CARF: variants seen among roughly 807,000 people sequenced by gnomAD.
CARF encodes the protein calcium-responsive transcription factor.
In CARF, 57 loss-of-function variants were observed where a neutral mutation model predicts 82.0. The ratio of observed to expected loss-of-function variants is 0.70; its 90% CI spans 0.56 to 0.87. CARF has a LOEUF of 0.87. Ranked by LOEUF, CARF falls within the 40% of genes least tolerant of loss-of-function variation. The pLI is 0.00. For missense variants in CARF, 771 were observed against 855.8 expected (o/e 0.90, Z 1.24); for synonymous variants, 268 against 290.1 (o/e 0.92, Z 0.77).
intron 1 of CARF, among the ~76,000 whole-genome samples, chr2:202,914,114 TA>T (rs1292799286): frequency 6.6e-6 from 1 of 152,258 alleles, no homozygotes. Context: ...CTGATGCTTT[TA>T]CTTTGAGTCT....
At chr2:202,917,030 G>A (rs1035467371) in intron 1 of CARF, among the ~76,000 whole-genome samples, 58 of 152,008 alleles carry the variant, frequency 3.8e-4, no homozygotes, top group African/African-American at 1.3e-3. Context: ...CTAACACGGT[G>A]AAACCCTGTC....
Position 202,984,099 on chromosome 2 carries a change from C to A in CARF, c.*475C>A, listed in dbSNP as rs1225125166. On this transcript the variant is annotated 3_prime_UTR_variant, in exon 17 of 17. Transcript: ENST00000438828. Reference sequence around the variant, plus strand: ...AAGTTGTGAAGAAATTGTTAATTGCCAGACAGGTAAGAAAATGTTTATAAT... The same window carrying A: ...AAGTTGTGAAGAAATTGTTAATTGCAAGACAGGTAAGAAAATGTTTATAAT... 1 of 152,330 alleles carries A rather than the reference C, an allele frequency of 6.6e-6. No individual in the cohort carries two copies. The highest frequency in any genetic ancestry group is 1.5e-5 in the Non-Finnish European group (1 of 68,290). The allele number at this position is 152,330 out of a possible 1,614,324, so 9.4% of individuals were successfully genotyped here. A position where few individuals can be genotyped will look rare whatever the true frequency, so the allele number is the denominator to read the frequency against.
At chr2:202,954,730 C>T (rs1222242295) in intron 7 of CARF, among the ~76,000 whole-genome samples, 1 of 140,210 alleles carries the variant, frequency 7.1e-6, no homozygotes, top group Non-Finnish European at 1.5e-5. Context: ...AAAAAAAAGA[C>T]TGGGCACAGT....
At chr2:202,980,661 T>TATATATATATAC (rs1309966072) in intron 14 of CARF, among the ~76,000 whole-genome samples, 6 of 125,434 alleles carry the variant, frequency 4.8e-5, no homozygotes, top group African/African-American at 1.9e-4. Flanking sequence ...TATATATATA[T>TATATATATATAC]AGTTGTGCCT....
chr2:202,974,594 C>A, intron 13 of CARF, 98 bp downstream of exon 13: 1 of 1,165,500 alleles, frequency 8.6e-7, no homozygotes. Context: ...ATCTGAATAA[C>A]TGCAATATAA....
chr2:202,956,892 GATTCT>G (rs2059071972), intron 8 of CARF, among the ~76,000 whole-genome samples: 5 of 152,194 alleles, frequency 3.3e-5, no homozygotes, highest in Admixed American at 3.3e-4. Flanking sequence ...AGGTTCAAGC[GATTCT>G]GCTGCCTCAG....
intron 3 of CARF, among the ~76,000 whole-genome samples, chr2:202,940,292 C>A (rs1396065395): frequency 6.6e-6 from 1 of 152,102 alleles, no homozygotes; most frequent in East Asian, 1.9e-4. Context: ...CCTGGGCCTC[C>A]CAGAATGCTG....
intron 1 of CARF, among the ~76,000 whole-genome samples, chr2:202,914,456 CAAG>C (rs1371066423): frequency 2.0e-5 from 3 of 151,974 alleles, no homozygotes; most frequent in Admixed American, 1.3e-4. Flanking sequence ...CAAACAGAGA[CAAG>C]AAGATCTACC....
rs753592872 is a variant in CARF at position 202,974,417 on chromosome 2, T to C, written c.1415T>C (p.Ile472Thr). 2.5e-6 allele frequency: 4 copies of C among 1,610,936 alleles called. No individual in the cohort carries two copies. The highest frequency in any genetic ancestry group is 1.1e-5 in the South Asian group (1 of 90,354). The change falls in exon 13 of 17, where the codon ATA becomes ACA. Residue 472 changes from isoleucine to threonine, a missense_variant. Physicochemically the swap from Ile to Thr is moderately conservative, Grantham distance 89. Coordinates refer to ENST00000438828, the MANE Select transcript of CARF (RefSeq NM_024744.17). The part of the protein sequence containing the change: ...NLSFFPTVND[I>T]KNHIHEVQKS... ...TCTTTTTTTCCAACTGTAAATGATA[T>C]AAAAAATCACATCCATGAGGTACAG...
intron 6 of CARF, among the ~76,000 whole-genome samples, chr2:202,953,498 G>GTTTTTTTTTTTTTTTTTTTTTTTTTTTT (rs67855316): frequency 1.4e-5 from 1 of 70,294 alleles, no homozygotes; most frequent in Non-Finnish European, 2.5e-5. Context: ...TTTTTTTGTT[G>GTTTTTTTTTTTTTTTTTTTTTTTTTTTT]TTTTTTTTTT....
intron 1 of CARF, among the ~76,000 whole-genome samples, chr2:202,916,259 C>T (rs1162025017): frequency 1.3e-5 from 2 of 152,066 alleles, no homozygotes; most frequent in East Asian, 1.9e-4. Context: ...TGGCTCCCTG[C>T]GACCTGTGCT....
intron 3 of CARF, among the ~76,000 whole-genome samples, chr2:202,939,685 CTTTTTTTTTTT>C (rs749966536): frequency 9.5e-6 from 1 of 104,910 alleles, no homozygotes; most frequent in East Asian, 2.5e-4. Flanking sequence ...GCCTTTTTTT[CTTTTTTTTTTT>C]TTTTTTTTTT....
At chr2:202,929,281 C>A (rs1251338375) in intron 3 of CARF, among the ~76,000 whole-genome samples, 1 of 152,134 alleles carries the variant, frequency 6.6e-6, no homozygotes, top group African/African-American at 2.4e-5. Flanking sequence ...TGAAGCATTA[C>A]CCCTGTGTTT....
At position 202,942,488 on chromosome 2, in the gene CARF, A is replaced by G. The variant is rs540546024; in HGVS notation, c.79-252A>G. 58 of 718,376 alleles carry G rather than the reference A, an allele frequency of 8.1e-5. No individual in the cohort carries two copies. In the South Asian group the frequency reaches 3.4e-3, roughly 42 times the overall value. 44.5% of individuals were successfully genotyped at this position (718,376 alleles called of 1,614,324 possible). Reference sequence around the variant, plus strand: ...TTCATAAAAATTTTATATACAGAGAAAAATCTATAGGTTGAATTATGTTAT... The same window carrying G: ...TTCATAAAAATTTTATATACAGAGAGAAATCTATAGGTTGAATTATGTTAT... On this transcript the variant is annotated intron_variant, in intron 4 of 16. Transcript: ENST00000438828.
chr2:202,973,352 G>T, intron 12 of CARF: 1 of 360,214 alleles, frequency 2.8e-6, no homozygotes, highest in South Asian at 2.2e-5. Context: ...TCTGCGATTT[G>T]GTCCACCAAA....
Position 202,982,154 on chromosome 2 carries a change from C to T in CARF, c.1772C>T (p.Pro591Leu), listed in dbSNP as rs368387984. Residue 591 changes from proline (P) to leucine (L), a missense_variant, in exon 16 of 17, where the codon CCT becomes CTT. Physicochemically the swap from Pro to Leu is moderately conservative, Grantham distance 98. Transcript: ENST00000438828. ...GTAAATAACCAGCCGTCCTCTAGTC[C>T]TTCAGGACTTCTGGATACAATAGGA... Reference protein sequence around the residue: ...VSVNNQPSSSPSGLLDTIGSA... With the variant: ...VSVNNQPSSSLSGLLDTIGSA... 2 of 1,614,134 alleles carry T rather than the reference C, an allele frequency of 1.2e-6. No homozygotes were observed.
At chr2:202,929,924 C>T (rs1334614182) in intron 3 of CARF, among the ~76,000 whole-genome samples, 2 of 152,064 alleles carry the variant, frequency 1.3e-5, no homozygotes, top group Non-Finnish European at 2.9e-5. Flanking sequence ...TGCAGTGAAT[C>T]TGTTGATCGC....
chr2:202,916,284 G>A (rs1010876731), intron 1 of CARF, among the ~76,000 whole-genome samples: 16 of 151,976 alleles, frequency 1.1e-4, no homozygotes, highest in Admixed American at 7.9e-4. Flanking sequence ...AGGTTCAAGC[G>A]ATTCTCCTGC....
chr2:202,972,441 G>T (rs1270132568), intron 12 of CARF, among the ~76,000 whole-genome samples: 1 of 151,988 alleles, frequency 6.6e-6, no homozygotes, highest in Non-Finnish European at 1.5e-5. Context: ...CACTTTGGGA[G>T]TCCGAGGAGG....
Sources: allele counts gnomAD v4.1 joint callset (sites outside exome capture counted in the v4.1 genomes callset), GRCh38; gene constraint gnomAD v4.1.1; transcripts MANE v1.5; gene names NCBI Gene and HGNC (gene_info 2026-07-23, HGNC 2026-07-21).